The following PLCH1 variants were observed in gnomAD, a reference collection of about 807,000 sequenced individuals.
PLCH1 encodes the protein phospholipase C eta 1, also known as 1-phosphatidylinositol 4,5-bisphosphate phosphodiesterase eta-1.
A neutral mutation model predicts 126.7 loss-of-function variants in PLCH1; 60 were observed. The ratio of observed to expected loss-of-function variants is 0.47; its 90% confidence interval spans 0.38 to 0.59. PLCH1 has a LOEUF of 0.59. Among genes scored for constraint, PLCH1 ranks in the 20% least tolerant of loss-of-function variants. PLCH1 has a pLI of 0.00. For synonymous variants in PLCH1, 719 were observed against 734.9 expected (o/e 0.98, Z 0.35); for missense variants, 1,723 against 2,040.0 (o/e 0.84, Z 2.99).
At chr3:155,699,426 A>G (rs777049313) in intron 2 of PLCH1, among the ~76,000 whole-genome samples, 1 of 152,152 alleles carries the variant, frequency 6.6e-6, no homozygotes, top group Non-Finnish European at 1.5e-5. Flanking sequence ...TGTCATTGCA[A>G]TAATAGGAAT....
intron 2 of PLCH1, among the ~76,000 whole-genome samples, chr3:155,668,084 C>CAAAAAAAAAA (rs756879174): frequency 2.6e-5 from 1 of 38,006 alleles, no homozygotes; most frequent in Non-Finnish European, 5.0e-5. Flanking sequence ...GACTCCATCT[C>CAAAAAAAAAA]AAAAAAAAAA....
chr3:155,633,517 A>G (rs1224187107), intron 2 of PLCH1, among the ~76,000 whole-genome samples: 1 of 152,122 alleles, frequency 6.6e-6, no homozygotes, highest in East Asian at 1.9e-4. Flanking sequence ...CATGAGGGTA[A>G]GAATTTTTAT....
In PLCH1 at chr3:155,689,507, T is replaced by C. The variant is rs80264275; in HGVS notation, c.79+14639A>G. On this transcript the variant is annotated intron_variant, in intron 2 of 22. Transcript: ENST00000460012. The stretch of plus-strand genomic sequence containing the variant: ...ACATAGAGAATTCAAAATGGCTGTT[T>C]TGAGGAAAAGTCAGAGAAATTCAAG... Among the ~76,000 whole-genome samples the C allele has an allele frequency of 3.5e-3, 527 of 152,180 alleles. 8 individuals carry two copies. The highest frequency in any genetic ancestry group is 0.011 in the African/African-American group (467 of 41,520).
chr3:155,728,700 C>T (rs1377991326), intron 1 of PLCH1, among the ~76,000 whole-genome samples: 1 of 152,182 alleles, frequency 6.6e-6, no homozygotes, highest in Non-Finnish European at 1.5e-5. Context: ...ACTTCCTAAC[C>T]TCAGTCCTTT....
intron 2 of PLCH1, among the ~76,000 whole-genome samples, chr3:155,690,766 G>A (rs931096358): frequency 6.6e-6 from 1 of 152,130 alleles, no homozygotes; most frequent in Non-Finnish European, 1.5e-5. Flanking sequence ...TTGGAGAATA[G>A]GACAAATTCC....
At position 155,737,231 on chromosome 3, in the gene PLCH1, C is replaced by CAAAAAAAAAAAAAAAAAAA. The variant is rs557369057; in HGVS notation, c.-41+7608_-41+7609insTTTTTTTTTTTTTTTTTTT. Among the ~76,000 whole-genome samples the CAAAAAAAAAAAAAAAAAAA allele has an allele frequency of 2.6e-3, 157 of 59,502 alleles. 9 individuals carry two copies. Among genetic ancestry groups the CAAAAAAAAAAAAAAAAAAA allele is most frequent in the African/African-American group, 7.5e-3 (131 of 17,428 alleles). The allele number at this position is 59,502 out of a possible 152,430, so 39.0% of individuals were successfully genotyped here. On this transcript the variant is annotated intron_variant, in intron 1 of 22. Transcript: ENST00000460012. ...TGGGTGACAGAGCAAGCCTCCGTCT[C>CAAAAAAAAAAAAAAAAAAA]AAAAAAAAAAAAAAAAAAGAGTATA...
intron 7 of PLCH1, among the ~76,000 whole-genome samples, chr3:155,566,964 G>C (rs148591070): frequency 1.4e-3 from 209 of 152,162 alleles, no homozygotes; most frequent in African/African-American, 4.9e-3. Flanking sequence ...CATCTTTTCA[G>C]GCCTCACCAA....
chr3:155,506,621 C>T (rs1319773449), intron 12 of PLCH1, among the ~76,000 whole-genome samples: 10 of 139,240 alleles, frequency 7.2e-5, no homozygotes, highest in East Asian at 6.8e-4. Context: ...TTTGTTCTTG[C>T]GATAGTTTAC....
chr3:155,481,016 C>T lies in PLCH1; in HGVS notation c.5010G>A (p.Glu1670=). The change falls in exon 23 of 23, where the codon GAG becomes GAA. Residue 1670 remains glutamate (E), a synonymous_variant. Coordinates refer to ENST00000460012, the MANE Select transcript of PLCH1 (RefSeq NM_014996.4). This position sits in a 1 kb window ranked among gnomAD's most constrained non-coding sequence, Gnocchi z 4.2. ...FCSDNSVLQT[E]PSSDDKPEIY... ...TTTCTGGTTTATCATCACTGCTTGG[C>T]TCAGTCTGCAAAACAGAATTATCTG... 2 of 1,608,974 alleles carry T rather than the reference C, an allele frequency of 1.2e-6. No individual in the cohort carries two copies. Among genetic ancestry groups the T allele is most frequent in the Non-Finnish European group, 1.7e-6 (2 of 1,175,736 alleles).
At chr3:155,714,591 A>G (rs1360315876) in intron 1 of PLCH1, among the ~76,000 whole-genome samples, 1 of 152,206 alleles carries the variant, frequency 6.6e-6, no homozygotes, top group Non-Finnish European at 1.5e-5. Flanking sequence ...GACACCACTA[A>G]ATCCCAAGTT....
intron 2 of PLCH1, among the ~76,000 whole-genome samples, chr3:155,698,899 C>T (rs533409992): frequency 2.2e-3 from 335 of 152,068 alleles, no homozygotes; most frequent in Non-Finnish European, 3.7e-3. Context: ...AGAAATCTAC[C>T]TGGCAACGCT....
intron 21 of PLCH1, among the ~76,000 whole-genome samples, chr3:155,459,149 A>G (rs879827346): frequency 2.6e-5 from 4 of 152,194 alleles, no homozygotes; most frequent in Admixed American, 2.0e-4. Context: ...CAATTTACCA[A>G]TATAAGGATG....
chr3:155,621,371 T>C (rs1384607083), intron 2 of PLCH1, among the ~76,000 whole-genome samples: 1 of 151,952 alleles, frequency 6.6e-6, no homozygotes, highest in East Asian at 1.9e-4. Context: ...GGATCACAAC[T>C]CCTCACCAGC....
Position 155,480,977 on chromosome 3 carries a change from CAAAAG to C in PLCH1, c.5044_5048del (p.Leu1682GlufsTer11). 1 of 1,581,810 alleles carries C rather than the reference CAAAAG, an allele frequency of 6.3e-7. No homozygotes were observed. Among genetic ancestry groups the C allele is most frequent in the Non-Finnish European group, 8.6e-7 (1 of 1,158,926 alleles). ...TGCAGTTTTAAATAATTCACAGTCT[CAAAAG>C]AAAATAAATTTCTGGTTTATCATCA... On this transcript the variant is annotated frameshift_variant, in exon 23 of 23. Transcript: ENST00000460012. LOFTEE classifies it high-confidence loss of function.
At chr3:155,567,916 ATT>A (rs1305009290) in intron 7 of PLCH1, among the ~76,000 whole-genome samples, 1 of 152,178 alleles carries the variant, frequency 6.6e-6, no homozygotes, top group Non-Finnish European at 1.5e-5. Context: ...CCTTCATGAA[ATT>A]ATCAGGCTAA....
At chr3:155,625,534 G>GA (rs1200343778) in intron 2 of PLCH1, among the ~76,000 whole-genome samples, 1 of 151,768 alleles carries the variant, frequency 6.6e-6, no homozygotes, top group East Asian at 1.9e-4. Context: ...AAATTTACAA[G>GA]AAAAAAACAA....
intron 2 of PLCH1, among the ~76,000 whole-genome samples, chr3:155,668,649 T>C (rs929693356): frequency 1.3e-5 from 2 of 152,014 alleles, no homozygotes; most frequent in Non-Finnish European, 2.9e-5. Context: ...TCCCAGCACT[T>C]TGGGAGGCCA....
intron 2 of PLCH1, 55 bp from the exon 3 acceptor site, chr3:155,596,433 T>G: frequency 6.8e-7 from 1 of 1,478,506 alleles, no homozygotes; most frequent in Non-Finnish European, 9.3e-7. Context: ...GGCATACTGG[T>G]GTCCAGGTTT....
At chr3:155,550,705 T>G (rs1312813774) in intron 9 of PLCH1, among the ~76,000 whole-genome samples, 1 of 152,202 alleles carries the variant, frequency 6.6e-6, no homozygotes, top group African/African-American at 2.4e-5. Flanking sequence ...AATAAGAAAT[T>G]ATTTCAAATT....
Sources: allele counts gnomAD v4.1 joint callset (sites outside exome capture counted in the v4.1 genomes callset), GRCh38; gene constraint gnomAD v4.1.1; non-coding constraint Gnocchi (gnomAD v3.1); transcripts MANE v1.5; gene names NCBI Gene and HGNC (gene_info 2026-07-23, HGNC 2026-07-21).